The following PIEZO1 variants were observed in gnomAD, a reference collection of about 807,000 sequenced individuals.
The protein encoded by PIEZO1 is piezo-type mechanosensitive ion channel component 1.
PIEZO1 carries 296 observed loss-of-function variants against 297.2 expected under a neutral mutation model. The observed-to-expected ratio is 1.00, with a 90% CI of 0.91 to 1.10. PIEZO1 has a LOEUF of 1.10. PIEZO1 is among the 50% of genes least tolerant of loss of function. The pLI, the probability that PIEZO1 is intolerant of heterozygous loss-of-function variation, is 0.00. For synonymous variants in PIEZO1, 2,427 were observed against 1,507.5 expected (o/e 1.61, Z -14.13); for missense variants, 5,018 against 3,455.5 (o/e 1.45, Z -11.34).
rs1010138777 is a variant in PIEZO1 at position 88,733,201 on chromosome 16, G to C, written c.2664+77C>G. ...TTGCTGGCCCCACTGCACTGAGGCA[G>C]CTGCCCCAGGAGGGTCGGGCTGCGA... On this transcript the variant is annotated intron_variant, in intron 19 of 50. Transcript: ENST00000301015. 11 of 1,355,194 alleles carry C rather than the reference G, an allele frequency of 8.1e-6. No individual in the cohort carries two copies. The African/African-American group carries it at 1.3e-4, about 16-fold the overall frequency. 83.9% of individuals were successfully genotyped at this position (1,355,194 alleles called of 1,614,324 possible). A position where few individuals can be genotyped will look rare whatever the true frequency, so the allele number is the denominator to read the frequency against.
chr16:88,749,686 C>T (rs1047893076), intron 1 of PIEZO1, among the ~76,000 whole-genome samples: 7 of 152,216 alleles, frequency 4.6e-5, no homozygotes, highest in East Asian at 1.9e-4. Context: ...CCCAGCGGGG[C>T]GCTGGGGTTT....
chr16:88,718,641 A>G (rs1326566253), intron 44 of PIEZO1: 2 of 152,250 alleles, frequency 1.3e-5, no homozygotes, highest in Non-Finnish European at 2.9e-5. Flanking sequence ...TAGAACCAGG[A>G]CCTAGACAAG....
intron 1 of PIEZO1, among the ~76,000 whole-genome samples, chr16:88,756,928 T>C (rs1244865079): frequency 6.6e-6 from 1 of 151,628 alleles, no homozygotes; most frequent in Non-Finnish European, 1.5e-5. Flanking sequence ...TACAAAAAAG[T>C]AGCCGGGTGT....
chr16:88,719,865 G>A lies in PIEZO1; in HGVS notation c.6260C>T (p.Thr2087Ile). 6.4e-7 allele frequency: 1 copy of A among 1,550,538 alleles called. No individual in the cohort carries two copies. Reference sequence around the variant, plus strand: ...GGTGAGGAAGTTGCCGAGGATGCGGGTGGGGTAGCCGCAGCGGATCTGGTA... The same window carrying A: ...GGTGAGGAAGTTGCCGAGGATGCGGATGGGGTAGCCGCAGCGGATCTGGTA... ...SAYQIRCGYP[T>I]RILGNFLTKK... The change falls in exon 43 of 51, where the codon ACC becomes ATC. Residue 2087 changes from threonine (T) to isoleucine (I), a missense_variant. Thr to Ile is a moderately conservative substitution (Grantham distance 89). Transcript: ENST00000301015.
rs1355706045 is a variant in PIEZO1 at position 88,716,462 on chromosome 16, A to C, written c.6948T>G (p.Thr2316=). 6.5e-7 allele frequency: 1 copy of C among 1,549,086 alleles called. No individual in the cohort carries two copies. The highest frequency in any genetic ancestry group is 1.4e-5 in the African/African-American group (1 of 73,180). The change falls in exon 48 of 51, where the codon ACT becomes ACG. Residue 2316 remains threonine, a synonymous_variant. Transcript: ENST00000301015. ...TGTGCTTCTCGTTGGCATACTCCACAGTGCCTCCCTTCGCCAGGTCCCTGG... is the reference window on the plus strand; with the variant it reads ...TGTGCTTCTCGTTGGCATACTCCACCGTGCCTCCCTTCGCCAGGTCCCTGG... ...NFQRDLAKGG[T]VEYANEKHML...
chr16:88,766,829 G>A (rs913491685), intron 1 of PIEZO1, among the ~76,000 whole-genome samples: 8 of 152,228 alleles, frequency 5.3e-5, no homozygotes, highest in African/African-American at 1.2e-4. Flanking sequence ...CCACAGGGAC[G>A]ATCACCTCAG....
Position 88,772,493 on chromosome 16 carries a change from G to A in PIEZO1, c.64+12408C>T, listed in dbSNP as rs151137923. Among the ~76,000 whole-genome samples the A allele has an allele frequency of 6.0e-3, 920 of 152,270 alleles. 8 individuals carry two copies. Among genetic ancestry groups the A allele is most frequent in the African/African-American group, 0.021 (864 of 41,556 alleles). The stretch of plus-strand genomic sequence containing the variant: ...GGCTTCCTCCCTCATAAAAAGGCCC[G>A]TGCCTGGCAGGGCACAGTGGCTCAC... On this transcript the variant is annotated intron_variant, in intron 1 of 50. Transcript: ENST00000301015.
chr16:88,751,423 C>T (rs976446246), intron 1 of PIEZO1, among the ~76,000 whole-genome samples: 6 of 152,216 alleles, frequency 3.9e-5, no homozygotes, highest in Non-Finnish European at 8.8e-5. Context: ...TCCACCCTCC[C>T]GGAAGCAGAC....
chr16:88,721,333 G>C lies in PIEZO1; in HGVS notation c.5501C>G (p.Pro1834Arg). ...AATGTGGTCTTCGGTGGTGGCCGCA[G>C]GCACCCCTGGCCCCTCCTCGGCTCC... is the stretch of plus-strand genomic sequence containing the variant. ...EQGAEEGPGV[P>R]AATTEDHIQV... The change falls in exon 39 of 51, where the codon CCT becomes CGT. Residue 1834 changes from proline to arginine, a missense_variant. Coordinates refer to ENST00000301015, the MANE Select transcript of PIEZO1 (RefSeq NM_001142864.4). The C allele has an allele frequency of 6.5e-7, 1 of 1,547,360 alleles. No homozygotes were observed. The highest frequency in any genetic ancestry group is 8.7e-7 in the Non-Finnish European group (1 of 1,146,674).
At chr16:88,780,230 TGTCCC>T (rs1907868289) in intron 1 of PIEZO1, among the ~76,000 whole-genome samples, 1 of 152,190 alleles carries the variant, frequency 6.6e-6, no homozygotes, top group South Asian at 2.1e-4. Flanking sequence ...ACCCCGGGCC[TGTCCC>T]TTCCCACCAG....
intron 1 of PIEZO1, among the ~76,000 whole-genome samples, chr16:88,759,552 G>A (rs1217715808): frequency 6.6e-6 from 1 of 152,182 alleles, no homozygotes; most frequent in South Asian, 2.1e-4. Context: ...CAGAGGAAGA[G>A]AGGAAGAAGA....
At chr16:88,775,162 G>A (rs754757076) in intron 1 of PIEZO1, among the ~76,000 whole-genome samples, 1 of 152,222 alleles carries the variant, frequency 6.6e-6, no homozygotes, top group Admixed American at 6.5e-5. Context: ...CCCTGACCCT[G>A]ACAGGACGCA....
intron 5 of PIEZO1, chr16:88,740,344 C>T (rs879347824): frequency 3.5e-4 from 54 of 152,586 alleles, no homozygotes; most frequent in African/African-American, 1.3e-3. Flanking sequence ...AGGCTCCCAT[C>T]ACACCAAGAT....
chr16:88,726,495 A>C (rs772043164), intron 26 of PIEZO1, 40 bp from the exon 27 acceptor site: 2 of 1,547,500 alleles, frequency 1.3e-6, no homozygotes, highest in Non-Finnish European at 1.7e-6. Context: ...CCCAGGGCCC[A>C]GGAGCAGGGG....
intron 1 of PIEZO1, among the ~76,000 whole-genome samples, chr16:88,756,636 T>C (rs1293357283): frequency 6.6e-6 from 1 of 151,596 alleles, no homozygotes; most frequent in Non-Finnish European, 1.5e-5. Flanking sequence ...GGTGTGGTGG[T>C]GGGTGCCTGT....
At chr16:88,737,370 G>A in intron 10 of PIEZO1, 189 bp downstream of exon 10, 3 of 561,654 alleles carry the variant, frequency 5.3e-6, no homozygotes, top group Non-Finnish European at 9.4e-6. Flanking sequence ...TCAGTGACAT[G>A]GCCACTCGGC....
rs753769981 is a variant in PIEZO1, at chr16:88,721,794, C to G, written c.5214+14G>C. ...GGTGGGCCGGGCGCCCCCTCCCCCG[C>G]GGCCTCGGCCCACCTCGGTGAAGAC... On this transcript the variant is annotated intron_variant, in intron 37 of 50. Transcript: ENST00000301015. 9 of 1,538,062 alleles carry G rather than the reference C, an allele frequency of 5.9e-6. No homozygotes were observed. In the East Asian group the frequency reaches 2.2e-4, roughly 38 times the overall value.
In PIEZO1 at chr16:88,726,660, T is replaced by TCAGTGGGGC. The variant is rs1567666188; in HGVS notation, c.3700-18_3700-17insGCCCCACTG. ...GGCCAGGAGCTGGGGGAGAGCAGGGTCAGCGGGGCCAGCGGGGCCCCAGGG... is the reference window on the plus strand; with the variant it reads ...GGCCAGGAGCTGGGGGAGAGCAGGGTCAGTGGGGCCAGCGGGGCCAGCGGGGCCCCAGGG... On this transcript the variant is annotated splice_polypyrimidine_tract_variant and intron_variant, in intron 25 of 50. Coordinates refer to ENST00000301015, the MANE Select transcript of PIEZO1 (RefSeq NM_001142864.4). The TCAGTGGGGC allele has an allele frequency of 8.8e-6, 13 of 1,471,068 alleles. No homozygotes were observed. The highest frequency in any genetic ancestry group is 1.2e-5 in the Non-Finnish European group (13 of 1,098,830). 91.1% of individuals were successfully genotyped at this position (1,471,068 alleles called of 1,614,324 possible). A position where few individuals can be genotyped will look rare whatever the true frequency, so the allele number is the denominator to read the frequency against.
chr16:88,761,324 C>G (rs1480755662), intron 1 of PIEZO1, among the ~76,000 whole-genome samples: 2 of 152,220 alleles, frequency 1.3e-5, no homozygotes, highest in Non-Finnish European at 2.9e-5. Context: ...CCCAGGTGAC[C>G]TGCTGGTGGG....
Sources: gnomAD v4.1 joint callset for allele counts (sites outside exome capture counted in the v4.1 genomes callset) on GRCh38, gnomAD v4.1.1 for gene constraint, MANE v1.5 for transcripts, NCBI Gene and HGNC (gene_info 2026-07-23, HGNC 2026-07-21) for gene names.